The following GRIA2 variants were observed in gnomAD, a reference collection of about 807,000 sequenced individuals.
GRIA2 encodes the protein glutamate receptor 2.
Under a neutral mutation model 97.3 loss-of-function variants are expected in GRIA2, and 14 were observed. The ratio of observed to expected loss-of-function variants is 0.14; its 90% confidence interval spans 0.10 to 0.23. The LOEUF is 0.23. GRIA2 is among the 10% of genes least tolerant of loss of function. GRIA2 has a pLI of 1.00. For missense variants in GRIA2, 558 were observed against 1,069.8 expected, an observed-to-expected ratio of 0.52 and a Z score of 6.67; for synonymous variants, 412 against 387.8, an observed-to-expected ratio of 1.06 and a Z score of -0.73.
intron 2 of GRIA2, among the ~76,000 whole-genome samples, chr4:157,292,612 G>A (rs1392412636): frequency 6.6e-6 from 1 of 151,918 alleles, no homozygotes; most frequent in African/African-American, 2.4e-5. Context: ...GAAGATTAAA[G>A]TACGTTAGAA....
chr4:157,238,749 T>TAAA (rs1179260832), intron 2 of GRIA2, among the ~76,000 whole-genome samples: 4 of 152,238 alleles, frequency 2.6e-5, no homozygotes, highest in African/African-American at 9.6e-5. Flanking sequence ...CATGAAGCGT[T>TAAA]TAGTTAAGTA....
chr4:157,319,759 G>A (rs1366708016), intron 5 of GRIA2, among the ~76,000 whole-genome samples: 1 of 152,118 alleles, frequency 6.6e-6, no homozygotes, highest in Non-Finnish European at 1.5e-5. Context: ...AAAATCTGCA[G>A]ATAATATTAT....
intron 2 of GRIA2, among the ~76,000 whole-genome samples, chr4:157,286,925 A>G (rs1732872467): frequency 6.6e-6 from 1 of 151,618 alleles, no homozygotes; most frequent in Non-Finnish European, 1.5e-5. Flanking sequence ...CAGTATCTGA[A>G]GTAGCCTTTG....
chr4:157,225,122 C>A (rs1402731252), intron 2 of GRIA2, among the ~76,000 whole-genome samples: 1 of 151,994 alleles, frequency 6.6e-6, no homozygotes, highest in Non-Finnish European at 1.5e-5. Context: ...CCAGGGAGAT[C>A]CACTGAATGG....
chr4:157,336,365 T>A lies in GRIA2; in HGVS notation c.1474-12T>A. On this transcript the variant is annotated splice_polypyrimidine_tract_variant and intron_variant, in intron 10 of 15. Coordinates refer to ENST00000264426, the MANE Select transcript of GRIA2 (RefSeq NM_001083619.3). ...CTCCAGGTACTATTACTTTCCTTTT[T>A]TTCCCTTACAGAAAGCTGATATTGC... 1 of 1,525,624 alleles carries A rather than the reference T, an allele frequency of 6.6e-7. No individual in the cohort carries two copies. Among genetic ancestry groups the A allele is most frequent in the Non-Finnish European group, 8.8e-7 (1 of 1,137,694 alleles). The allele number at this position is 1,525,624 out of a possible 1,614,324, so 94.5% of individuals were successfully genotyped here.
At chr4:157,249,765 T>G (rs1730942437) in intron 2 of GRIA2, 1 of 152,182 alleles carries the variant, frequency 6.6e-6, no homozygotes, top group South Asian at 2.1e-4. Context: ...AGGATGTATT[T>G]ACTGTTAATT....
intron 2 of GRIA2, among the ~76,000 whole-genome samples, chr4:157,252,166 A>C (rs1051360375): frequency 1.3e-5 from 2 of 152,258 alleles, no homozygotes; most frequent in South Asian, 2.1e-4. Context: ...ACCCTTAAGT[A>C]GACATATTTT....
intron 12 of GRIA2, among the ~76,000 whole-genome samples, chr4:157,356,808 C>CGATGATTG (rs1460611473): frequency 1.1e-4 from 16 of 151,792 alleles, no homozygotes; most frequent in Admixed American, 3.9e-4. Flanking sequence ...GGAGTGGATC[C>CGATGATTG]GATGATTGTA....
intron 2 of GRIA2, among the ~76,000 whole-genome samples, chr4:157,270,855 G>A (rs916910870): frequency 6.6e-6 from 1 of 151,902 alleles, no homozygotes; most frequent in Non-Finnish European, 1.5e-5. Context: ...TTGAATGTGT[G>A]GGGAATAGAA....
chr4:157,255,913 C>T (rs1338230429), intron 2 of GRIA2, among the ~76,000 whole-genome samples: 1 of 151,414 alleles, frequency 6.6e-6, no homozygotes, highest in Non-Finnish European at 1.5e-5. Context: ...AAATGCTTAA[C>T]ATTGCTAAGC....
chr4:157,262,451 A>G (rs1240043583), intron 2 of GRIA2, among the ~76,000 whole-genome samples: 6 of 152,050 alleles, frequency 3.9e-5, no homozygotes, highest in Non-Finnish European at 8.8e-5. Context: ...ACGAAAAATC[A>G]GGAAGAAGAT....
intron 2 of GRIA2, among the ~76,000 whole-genome samples, chr4:157,236,047 A>G (rs1213665879): frequency 6.6e-6 from 1 of 152,004 alleles, no homozygotes; most frequent in African/African-American, 2.4e-5. Flanking sequence ...TGAGAATTTC[A>G]GGTAGAAAAT....
chr4:157,317,880 G>T (rs1329966134), intron 5 of GRIA2, among the ~76,000 whole-genome samples, 169 bp downstream of exon 5: 1 of 152,108 alleles, frequency 6.6e-6, no homozygotes, highest in Non-Finnish European at 1.5e-5. Context: ...GGAGGCTGAG[G>T]CAGGAAAATT....
At chr4:157,283,631 C>A (rs1732707266) in intron 2 of GRIA2, among the ~76,000 whole-genome samples, 1 of 151,728 alleles carries the variant, frequency 6.6e-6, no homozygotes, top group Non-Finnish European at 1.5e-5. Context: ...GGAAATAAAC[C>A]TTTTAGTGGC....
intron 6 of GRIA2, among the ~76,000 whole-genome samples, chr4:157,325,200 A>C (rs1379374198): frequency 2.6e-5 from 4 of 152,192 alleles, no homozygotes; most frequent in African/African-American, 9.7e-5. Context: ...TTTCAAATTA[A>C]AATAAATTTT....
intron 2 of GRIA2, among the ~76,000 whole-genome samples, chr4:157,253,631 T>A (rs866691345): frequency 6.6e-6 from 1 of 152,150 alleles, no homozygotes; most frequent in African/African-American, 2.4e-5. Flanking sequence ...TAAAATTTTG[T>A]TTGATCAATT....
chr4:157,286,280 G>A (rs1353606295), intron 2 of GRIA2, among the ~76,000 whole-genome samples: 1 of 150,844 alleles, frequency 6.6e-6, no homozygotes, highest in Non-Finnish European at 1.5e-5. Flanking sequence ...TATGATGTTT[G>A]GAAAAAAACA....
chr4:157,348,067 G>T (rs1735839470), intron 12 of GRIA2, among the ~76,000 whole-genome samples: 1 of 151,422 alleles, frequency 6.6e-6, no homozygotes, highest in Non-Finnish European at 1.5e-5. Flanking sequence ...AGTGAGCCGG[G>T]ATCACGCCAC....
chr4:157,271,371 G>T (rs868394608), intron 2 of GRIA2, among the ~76,000 whole-genome samples: 53 of 152,124 alleles, frequency 3.5e-4, no homozygotes, highest in African/African-American at 1.2e-3. Context: ...GCCACAGGTT[G>T]TTTTAGCTGT....
Sources: gnomAD v4.1 joint callset for allele counts (sites outside exome capture counted in the v4.1 genomes callset) on GRCh38, gnomAD v4.1.1 for gene constraint, MANE v1.5 for transcripts, NCBI Gene and HGNC (gene_info 2026-07-23, HGNC 2026-07-21) for gene names.